The following STXBP5L variants were observed in gnomAD, a reference collection of about 807,000 sequenced individuals.
STXBP5L encodes syntaxin-binding protein 5-like.
STXBP5L carries 65 observed loss-of-function variants against 144.5 expected under a neutral mutation model. The ratio of observed to expected loss-of-function variants is 0.45; its 90% CI spans 0.37 to 0.55. The LOEUF (loss-of-function observed/expected upper bound fraction) is 0.55. STXBP5L is among the 20% of genes least tolerant of loss of function. The pLI, the probability that STXBP5L is intolerant of heterozygous loss-of-function variation, is 0.00. For missense variants in STXBP5L, 1,298 were observed against 1,405.5 expected (o/e 0.92, Z 1.22); for synonymous variants, 505 against 469.6 (o/e 1.08, Z -0.97).
intron 3 of STXBP5L, 86 bp downstream of exon 3, chr3:120,955,123 C>T: frequency 3.2e-6 from 3 of 935,336 alleles, no homozygotes; most frequent in Non-Finnish European, 4.8e-6. Context: ...TATTTATGAC[C>T]AAATAAAGTT....
At chr3:121,161,070 T>G (rs1348198002) in intron 9 of STXBP5L, among the ~76,000 whole-genome samples, 1 of 152,096 alleles carries the variant, frequency 6.6e-6, no homozygotes, top group East Asian at 1.9e-4. Flanking sequence ...CATCATGTCT[T>G]TTTTTAATTA....
chr3:121,026,239 A>C (rs1945934912), intron 3 of STXBP5L, among the ~76,000 whole-genome samples: 1 of 151,668 alleles, frequency 6.6e-6, no homozygotes, highest in Admixed American at 6.6e-5. Flanking sequence ...CAGTTCTTTT[A>C]ATAACTCAAG....
At chr3:120,974,444 C>T (rs1351306612) in intron 3 of STXBP5L, among the ~76,000 whole-genome samples, 1 of 148,568 alleles carries the variant, frequency 6.7e-6, no homozygotes, top group African/African-American at 2.5e-5. Context: ...GGATATTAGC[C>T]CTTTGTCAGA....
chr3:121,088,328 A>G (rs2042599283), intron 5 of STXBP5L, among the ~76,000 whole-genome samples: 1 of 115,932 alleles, frequency 8.6e-6, no homozygotes, highest in Non-Finnish European at 1.7e-5. Context: ...GCAGCCAAAA[A>G]ACACATGAAG....
chr3:121,296,280 C>T (rs1395693900), intron 19 of STXBP5L, among the ~76,000 whole-genome samples: 1 of 152,110 alleles, frequency 6.6e-6, no homozygotes, highest in Admixed American at 6.6e-5. Flanking sequence ...TTGACTTGTA[C>T]CCTGAGTACT....
Position 120,912,623 on chromosome 3 carries a change from C to CAAA in STXBP5L, c.189+2868_189+2870dup, listed in dbSNP as rs555613375. ...GAAGAAACTTTGGTTCAAGGTCAGCCAAAAAAAAAAAAAAGTTAATGCATT... is the reference window on the plus strand; with the variant it reads ...GAAGAAACTTTGGTTCAAGGTCAGCCAAAAAAAAAAAAAAAAAGTTAATGCATT... On this transcript the variant is annotated intron_variant, in intron 2 of 26. Coordinates refer to ENST00000471454, the MANE Select transcript of STXBP5L (RefSeq NM_001308330.2). Among the ~76,000 whole-genome samples the CAAA allele has an allele frequency of 2.9e-3, 358 of 125,302 alleles. 2 individuals carry two copies. The highest frequency in any genetic ancestry group is 8.1e-3 in the African/African-American group (284 of 34,900). The allele number at this position is 125,302 out of a possible 152,430, so 82.2% of individuals were successfully genotyped here. A position where few individuals can be genotyped will look rare whatever the true frequency, so the allele number is the denominator to read the frequency against.
intron 3 of STXBP5L, among the ~76,000 whole-genome samples, chr3:120,968,352 A>G (rs1217737894): frequency 6.6e-6 from 1 of 152,146 alleles, no homozygotes; most frequent in Non-Finnish European, 1.5e-5. Flanking sequence ...TCATCATATA[A>G]TGACCTTCTG....
At chr3:121,301,063 G>GT (rs2051880374) in intron 19 of STXBP5L, among the ~76,000 whole-genome samples, 1 of 152,148 alleles carries the variant, frequency 6.6e-6, no homozygotes, top group South Asian at 2.1e-4. Flanking sequence ...CTTTAAAGTA[G>GT]TTTTTTCCAA....
intron 7 of STXBP5L, 114 bp from the exon 8 acceptor site, chr3:121,152,363 T>G: frequency 1.3e-6 from 1 of 757,912 alleles, no homozygotes; most frequent in Non-Finnish European, 2.1e-6. Flanking sequence ...GAAAAATTTA[T>G]TCTAAATAAG....
intron 22 of STXBP5L, among the ~76,000 whole-genome samples, chr3:121,399,065 G>A (rs1238583497): frequency 6.6e-6 from 1 of 152,120 alleles, no homozygotes; most frequent in African/African-American, 2.4e-5. Flanking sequence ...GAAGGGTAGG[G>A]ATGAACCTCT....
At chr3:121,192,302 C>T (rs1161236507) in intron 9 of STXBP5L, among the ~76,000 whole-genome samples, 1 of 152,134 alleles carries the variant, frequency 6.6e-6, no homozygotes. Context: ...CTACAAACCA[C>T]TGCTCTAGGA....
intron 2 of STXBP5L, among the ~76,000 whole-genome samples, chr3:120,951,056 G>A (rs1005208708): frequency 1.7e-3 from 261 of 152,224 alleles, no homozygotes; most frequent in Non-Finnish European, 3.2e-3. Context: ...ATGGGGAAAG[G>A]ATTCCCTATT....
At chr3:121,100,831 A>G (rs1201095664) in intron 5 of STXBP5L, among the ~76,000 whole-genome samples, 6 of 151,952 alleles carry the variant, frequency 3.9e-5, no homozygotes, top group Admixed American at 2.0e-4. Flanking sequence ...AAGAATAAAT[A>G]TTGGTAGAAC....
At chr3:121,218,052 TAA>T (rs1403507533) in intron 10 of STXBP5L, among the ~76,000 whole-genome samples, 210 of 143,334 alleles carry the variant, frequency 1.5e-3, no homozygotes, top group African/African-American at 5.2e-3. Flanking sequence ...ATACTATATA[TAA>T]TATATATACA....
In STXBP5L at chr3:120,941,623, C is replaced by T; in HGVS notation, c.190-13317C>T. Reference sequence around the variant, plus strand: ...AATTTATTTAAATATTTACAAAATACTTTATTACAATTATTTACCTTTCTT... The same window carrying T: ...AATTTATTTAAATATTTACAAAATATTTTATTACAATTATTTACCTTTCTT... On this transcript the variant is annotated intron_variant, in intron 2 of 26. Transcript: ENST00000471454. Among the ~76,000 whole-genome samples, 3 of 151,746 alleles carry T rather than the reference C, an allele frequency of 2.0e-5. 1 individual carries two copies. The South Asian group carries it at 6.2e-4, about 32-fold the overall frequency.
chr3:121,074,972 A>C lies in STXBP5L; in HGVS notation c.470+29437A>C, dbSNP rs535310067. Among the ~76,000 whole-genome samples, 3 of 152,298 alleles carry C rather than the reference A, an allele frequency of 2.0e-5. No homozygotes were observed. In the South Asian group the frequency reaches 6.2e-4, roughly 32 times the overall value. ...TTTTAGACAATGGCCCAATCGCTTG[A>C]GTTACTCCTGAGTGCTCTGCACCAG... On this transcript the variant is annotated intron_variant, in intron 5 of 26. Coordinates refer to ENST00000471454, the MANE Select transcript of STXBP5L (RefSeq NM_001308330.2).
rs527959969 is a variant in STXBP5L, at chr3:121,040,888, T to C, written c.288-812T>C. Among the ~76,000 whole-genome samples the C allele has an allele frequency of 1.9e-3, 282 of 152,250 alleles. 1 individual carries two copies. Among genetic ancestry groups the C allele is most frequent in the African/African-American group, 6.5e-3 (271 of 41,580 alleles). Reference sequence around the variant, plus strand: ...TACATTTTGTACAGATTTTTAATTGTTTTATGTGGTGAATAAATCTGGCCC... The same window carrying C: ...TACATTTTGTACAGATTTTTAATTGCTTTATGTGGTGAATAAATCTGGCCC... On this transcript the variant is annotated intron_variant, in intron 3 of 26. Coordinates refer to ENST00000471454, the MANE Select transcript of STXBP5L (RefSeq NM_001308330.2).
Position 120,976,952 on chromosome 3 carries a change from G to C in STXBP5L, c.287+21915G>C, listed in dbSNP as rs564399199. On this transcript the variant is annotated intron_variant, in intron 3 of 26. Coordinates refer to ENST00000471454, the MANE Select transcript of STXBP5L (RefSeq NM_001308330.2). ...TGTTCTTTTACATTTGCTGAGGAGA[G>C]CTTTACTTCCAACTATGTGGTCAAT... Among the ~76,000 whole-genome samples, 3 of 152,056 alleles carry C rather than the reference G, an allele frequency of 2.0e-5. No individual in the cohort carries two copies. The East Asian group carries it at 5.8e-4, about 29-fold the overall frequency.
chr3:120,919,475 GTACAT>G lies in STXBP5L; in HGVS notation c.189+9715_189+9719del, dbSNP rs537847389. Among the ~76,000 whole-genome samples, 605 of 151,990 alleles carry G rather than the reference GTACAT, an allele frequency of 4.0e-3. 2 individuals carry two copies. Among genetic ancestry groups the G allele is most frequent in the African/African-American group, 0.013 (558 of 41,524 alleles). On this transcript the variant is annotated intron_variant, in intron 2 of 26. Transcript: ENST00000471454. ...ATTGAGTTCCATTTATAAATAATCT[GTACAT>G]TACATTTATTGAATATTTACATAAT...
Sources: gnomAD v4.1 joint callset for allele counts (sites outside exome capture counted in the v4.1 genomes callset) on GRCh38, gnomAD v4.1.1 for gene constraint, MANE v1.5 for transcripts, NCBI Gene and HGNC (gene_info 2026-07-23, HGNC 2026-07-21) for gene names.